The following IL18R1 variants were observed in gnomAD, a reference collection of about 807,000 sequenced individuals.
The protein encoded by IL18R1 is interleukin-18 receptor 1.
Under a neutral mutation model 48.5 loss-of-function variants are expected in IL18R1, and 40 were observed. The observed-to-expected ratio is 0.82, with a 90% CI of 0.64 to 1.07. The LOEUF (loss-of-function observed/expected upper bound fraction) is 1.07, where lower values mean the gene tolerates loss of function less well. IL18R1 is among the 50% of genes least tolerant of loss of function. The pLI is 0.00. For synonymous variants in IL18R1, 232 were observed against 225.9 expected (o/e 1.03, Z -0.24); for missense variants, 596 against 633.7 (o/e 0.94, Z 0.64).
intron 1 of IL18R1, among the ~76,000 whole-genome samples, chr2:102,358,116 T>A (rs1678360410): frequency 6.6e-6 from 1 of 152,220 alleles, no homozygotes; most frequent in Non-Finnish European, 1.5e-5. Context: ...TTGATTCATG[T>A]GTGTCCTTGT....
chr2:102,393,502 A>G (rs941484050), intron 9 of IL18R1, among the ~76,000 whole-genome samples: 16 of 152,354 alleles, frequency 1.1e-4, no homozygotes, highest in Admixed American at 9.8e-4. Flanking sequence ...GGTGACCATG[A>G]GTGCTATGGA....
At chr2:102,371,431 C>T (rs986866763) in intron 3 of IL18R1, among the ~76,000 whole-genome samples, 1 of 152,156 alleles carries the variant, frequency 6.6e-6, no homozygotes, top group African/African-American at 2.4e-5. Flanking sequence ...AATTCAATTA[C>T]ACTGAGGGCA....
At chr2:102,371,581 C>T (rs966306926) in intron 3 of IL18R1, among the ~76,000 whole-genome samples, 4 of 152,138 alleles carry the variant, frequency 2.6e-5, no homozygotes, top group Non-Finnish European at 5.9e-5. Flanking sequence ...ACCAAAGCCA[C>T]CCTCCCATCC....
intron 9 of IL18R1, 97 bp from the exon 10 acceptor site, chr2:102,394,372 A>T: frequency 1.0e-6 from 1 of 956,734 alleles, no homozygotes; most frequent in Non-Finnish European, 1.5e-6. Flanking sequence ...TGTTTTTTCA[A>T]TGATTCTATA....
Position 102,372,129 on chromosome 2 carries a change from T to TA in IL18R1, c.468+12dup. On this transcript the variant is annotated intron_variant, in intron 4 of 10. Coordinates refer to ENST00000233957, the MANE Select transcript of IL18R1 (RefSeq NM_003855.5). The stretch of plus-strand genomic sequence containing the variant: ...ACATCATTGTATAAGGTAATGCTTT[T>TA]ATAATATTTTAACTTTAAGACTTGA... The TA allele has an allele frequency of 1.3e-6, 2 of 1,559,558 alleles. No homozygotes were observed. The highest frequency in any genetic ancestry group is 1.7e-6 in the Non-Finnish European group (2 of 1,157,004).
rs891298825 is a variant in IL18R1 at position 102,381,579 on chromosome 2, G to T, written c.626-41G>T. ...AGATGCTTGTCATAAAGAAGCTCAA[G>T]GCAACACTAATACATTTGTCTTTTC... On this transcript the variant is annotated intron_variant, in intron 5 of 10. Transcript: ENST00000233957. 9.8e-6 allele frequency: 14 copies of T among 1,431,310 alleles called. No individual in the cohort carries two copies. The East Asian group carries it at 3.2e-4, about 33-fold the overall frequency. 88.7% of individuals were successfully genotyped at this position (1,431,310 alleles called of 1,614,324 possible). A position where few individuals can be genotyped will look rare whatever the true frequency, so the allele number is the denominator to read the frequency against.
At chr2:102,369,290 A>G (rs542336203) in intron 3 of IL18R1, among the ~76,000 whole-genome samples, 3 of 152,362 alleles carry the variant, frequency 2.0e-5, no homozygotes, top group Admixed American at 2.0e-4. Flanking sequence ...AGGAACAGCC[A>G]GGCATCTATG....
chr2:102,380,527 C>G (rs1679858025), intron 5 of IL18R1, among the ~76,000 whole-genome samples: 1 of 152,204 alleles, frequency 6.6e-6, no homozygotes, highest in African/African-American at 2.4e-5. Flanking sequence ...TGCCTGTTTG[C>G]CAACATTCCA....
chr2:102,376,308 A>G (rs1398936199), intron 5 of IL18R1, among the ~76,000 whole-genome samples: 3 of 152,190 alleles, frequency 2.0e-5, no homozygotes, highest in South Asian at 2.1e-4. Context: ...TCTCTCTTAT[A>G]TATGAAATTT....
chr2:102,367,614 G>A (rs184543357), intron 2 of IL18R1, among the ~76,000 whole-genome samples: 8 of 152,194 alleles, frequency 5.3e-5, no homozygotes, highest in Non-Finnish European at 8.8e-5. Context: ...CAGAAGTTGT[G>A]TTTTCATCTA....
At chr2:102,388,522 A>G (rs1355567495) in intron 8 of IL18R1, among the ~76,000 whole-genome samples, 1 of 152,148 alleles carries the variant, frequency 6.6e-6, no homozygotes, top group East Asian at 1.9e-4. Context: ...TTGTTGGACC[A>G]TCACCTGGCC....
chr2:102,386,696 G>A (rs890441877), intron 7 of IL18R1, among the ~76,000 whole-genome samples, 165 bp from the exon 8 acceptor site: 1 of 152,224 alleles, frequency 6.6e-6, no homozygotes, highest in African/African-American at 2.4e-5. Context: ...ATGCTCCACG[G>A]AGGAGGGGAC....
Position 102,356,371 on chromosome 2 carries a change from C to T in IL18R1, c.-58C>T. ...GGCGTGAAGGAGGAGCTGCCGCCCC[C>T]GCCCCAGCCTCGGGGACGCCTCTCT... On this transcript the variant is annotated 5_prime_UTR_variant, in exon 1 of 11. Transcript: ENST00000233957. 1.0e-6 allele frequency: 1 copy of T among 985,206 alleles called. No homozygotes were observed. Among genetic ancestry groups the T allele is most frequent in the Middle Eastern group, 5.2e-4 (1 of 1,914 alleles). The allele number at this position is 985,206 out of a possible 1,614,324, so 61.0% of individuals were successfully genotyped here. A position where few individuals can be genotyped will look rare whatever the true frequency, so the allele number is the denominator to read the frequency against.
At chr2:102,361,925 T>C (rs1678598170) in intron 1 of IL18R1, among the ~76,000 whole-genome samples, 1 of 151,930 alleles carries the variant, frequency 6.6e-6, no homozygotes, top group Non-Finnish European at 1.5e-5. Flanking sequence ...AAAGGAGGGG[T>C]CTGGAGTGTA....
intron 1 of IL18R1, among the ~76,000 whole-genome samples, chr2:102,360,221 C>A (rs867389497): frequency 6.6e-6 from 1 of 152,180 alleles, no homozygotes; most frequent in African/African-American, 2.4e-5. Context: ...GAAAAATGCT[C>A]ATTATGTAAT....
chr2:102,393,399 T>G (rs964374213), intron 9 of IL18R1, among the ~76,000 whole-genome samples: 2 of 152,238 alleles, frequency 1.3e-5, no homozygotes, highest in African/African-American at 4.8e-5. Flanking sequence ...AAGCAATTGC[T>G]TTAAATCAAC....
chr2:102,390,452 T>C (rs564527674), intron 9 of IL18R1, among the ~76,000 whole-genome samples: 30 of 152,318 alleles, frequency 2.0e-4, no homozygotes, highest in African/African-American at 7.0e-4. Flanking sequence ...TGTATGTATG[T>C]CATAGCTTCC....
At chr2:102,366,083 A>G (rs1348796646) in intron 2 of IL18R1, among the ~76,000 whole-genome samples, 3 of 152,124 alleles carry the variant, frequency 2.0e-5, no homozygotes, top group Non-Finnish European at 4.4e-5. Context: ...CTCATTTCTT[A>G]TGCAAATTTC....
chr2:102,376,850 A>G (rs899685581), intron 5 of IL18R1, among the ~76,000 whole-genome samples: 2 of 152,248 alleles, frequency 1.3e-5, no homozygotes, highest in African/African-American at 4.8e-5. Context: ...GAAATGACCA[A>G]ATCACACAGC....
Sources: allele counts gnomAD v4.1 joint callset (sites outside exome capture counted in the v4.1 genomes callset), GRCh38; gene constraint gnomAD v4.1.1; transcripts MANE v1.5; gene names NCBI Gene and HGNC (gene_info 2026-07-23, HGNC 2026-07-21).